The following KCNMA1 variants were observed in gnomAD, a reference collection of about 807,000 sequenced individuals.
KCNMA1 encodes the protein Calcium-activated potassium channel subunit alpha-1.
In KCNMA1, 29 loss-of-function variants were observed where a neutral mutation model predicts 140.0. The observed-to-expected ratio is 0.21, with a 90% CI of 0.15 to 0.28. KCNMA1 has a LOEUF of 0.28. Among genes scored for constraint, KCNMA1 ranks in the 10% least tolerant of loss-of-function variants. KCNMA1 has a pLI of 1.00. For synonymous variants in KCNMA1, 612 were observed against 611.9 expected, an observed-to-expected ratio of 1.00 and a Z score of 0.00; for missense variants, 880 against 1,602.2, an observed-to-expected ratio of 0.55 and a Z score of 7.70.
At chr10:77,126,717 AC>A (rs1249928637) in intron 5 of KCNMA1, among the ~76,000 whole-genome samples, 1,007 of 68,402 alleles carry the variant, frequency 0.015, 9 homozygotes, top group African/African-American at 0.051. Context: ...GGTGCCCCCC[AC>A]CCCCCCACCC....
At chr10:77,215,884 CTCTCTCT>C (rs1454398609) in intron 3 of KCNMA1, among the ~76,000 whole-genome samples, 2 of 148,792 alleles carry the variant, frequency 1.3e-5, no homozygotes, top group African/African-American at 5.0e-5. Flanking sequence ...ACCTGTCTCT[CTCTCTCT>C]CCTCTCTCCT....
intron 2 of KCNMA1, chr10:77,315,484 TGAA>T (rs2080600784): frequency 1.3e-5 from 2 of 152,232 alleles, no homozygotes; most frequent in Admixed American, 1.3e-4. Context: ...ATCTGAAGAT[TGAA>T]AGTCAGAAGC....
chr10:76,952,306 C>A, intron 21 of KCNMA1: 1 of 797,784 alleles, frequency 1.3e-6, no homozygotes, highest in Non-Finnish European at 1.9e-6. Context: ...GGATCATGAG[C>A]TCAAGAAATC....
chr10:77,320,547 C>A (rs551891588), intron 2 of KCNMA1, among the ~76,000 whole-genome samples: 19 of 152,048 alleles, frequency 1.2e-4, no homozygotes, highest in Non-Finnish European at 2.5e-4. Context: ...GGTGTGGGAG[C>A]CTGAGCAGGC....
At chr10:77,233,924 G>A (rs183255898) in intron 3 of KCNMA1, among the ~76,000 whole-genome samples, 1 of 152,190 alleles carries the variant, frequency 6.6e-6, no homozygotes, top group East Asian at 1.9e-4. Context: ...GTGGCACCCC[G>A]AACAGTGACA....
At chr10:77,121,305 G>A (rs1445804800) in intron 5 of KCNMA1, among the ~76,000 whole-genome samples, 1 of 152,156 alleles carries the variant, frequency 6.6e-6, no homozygotes, top group East Asian at 1.9e-4. Flanking sequence ...GGAGAAGCCA[G>A]GTTAATGAGA....
intron 5 of KCNMA1, among the ~76,000 whole-genome samples, chr10:77,155,639 GTCTT>G (rs2098474339): frequency 6.6e-6 from 1 of 152,018 alleles, no homozygotes; most frequent in African/African-American, 2.4e-5. Flanking sequence ...CAACACAAGT[GTCTT>G]TCTTCTCAGT....
At chr10:77,562,402 T>C (rs978739683) in intron 1 of KCNMA1, among the ~76,000 whole-genome samples, 2 of 152,252 alleles carry the variant, frequency 1.3e-5, no homozygotes, top group African/African-American at 4.8e-5. Context: ...GTATACTTCC[T>C]CGCAAGCTGT....
intron 3 of KCNMA1, among the ~76,000 whole-genome samples, chr10:77,202,774 C>A (rs1045486131): frequency 6.6e-6 from 1 of 152,180 alleles, no homozygotes; most frequent in Non-Finnish European, 1.5e-5. Flanking sequence ...ATCTACCACA[C>A]TCTCTACTAA....
At chr10:77,589,178 A>T (rs927808784) in intron 1 of KCNMA1, among the ~76,000 whole-genome samples, 6 of 152,232 alleles carry the variant, frequency 3.9e-5, no homozygotes, top group Admixed American at 3.9e-4. Flanking sequence ...ATGGCTACTT[A>T]TAAAACAAGA....
rs569610001 is a variant in KCNMA1 at position 76,922,702 on chromosome 10, A to G, written c.2903-7653T>C. Among the ~76,000 whole-genome samples the G allele has an allele frequency of 1.9e-4, 29 of 152,350 alleles. No homozygotes were observed. In the South Asian group the frequency reaches 6.0e-3, roughly 32 times the overall value. On this transcript the variant is annotated intron_variant, in intron 23 of 27. Transcript: ENST00000286628. Reference sequence around the variant, plus strand: ...AACCAAGAGGTGGAGAGAATGAGATAGAGCTCTGTCATTGTTCAAGTTCCT... The same window carrying G: ...AACCAAGAGGTGGAGAGAATGAGATGGAGCTCTGTCATTGTTCAAGTTCCT...
chr10:77,523,252 T>C (rs940094409), intron 1 of KCNMA1, among the ~76,000 whole-genome samples: 21 of 145,012 alleles, frequency 1.4e-4, no homozygotes, highest in African/African-American at 5.5e-4. Context: ...AGGTGCTTAA[T>C]AAATAGTTAT....
In KCNMA1 at chr10:76,947,999, C is replaced by CTTT. The variant is rs1565117707; in HGVS notation, c.2709+1142_2709+1143insAAA. 6.6e-4 allele frequency among the ~76,000 whole-genome samples: 94 copies of CTTT among 141,780 alleles called. 2 individuals are homozygous for CTTT. In the South Asian group the frequency reaches 8.0e-3, roughly 12 times the overall value. 93.0% of individuals were successfully genotyped at this position (141,780 alleles called of 152,430 possible). On this transcript the variant is annotated intron_variant, in intron 22 of 27. Coordinates refer to ENST00000286628, the MANE Select transcript of KCNMA1 (RefSeq NM_001161352.2). ...AGAAATCCATGTTCCTCAGTTGTTT[C>CTTT]TTGTTTTGTTTTTGTTTTTGTTTGA...
intron 9 of KCNMA1, among the ~76,000 whole-genome samples, chr10:77,102,964 C>T (rs1216434540): frequency 6.6e-6 from 1 of 152,162 alleles, no homozygotes; most frequent in Non-Finnish European, 1.5e-5. Context: ...CAAAACCCAG[C>T]ATCATGCCTG....
intron 23 of KCNMA1, among the ~76,000 whole-genome samples, chr10:76,925,915 T>C (rs1362574639): frequency 1.3e-5 from 2 of 152,216 alleles, no homozygotes; most frequent in Non-Finnish European, 2.9e-5. Context: ...CAGAATCGCA[T>C]CAACAACTTT....
intron 19 of KCNMA1, among the ~76,000 whole-genome samples, chr10:76,975,637 G>A (rs1239062795): frequency 5.3e-5 from 8 of 152,172 alleles, no homozygotes; most frequent in Non-Finnish European, 1.0e-4. Flanking sequence ...CAAGTTCTAC[G>A]CCCAGAGAGT....
At chr10:76,872,483 A>C (rs997211683), downstream of KCNMA1, 2 of 152,222 alleles carry the variant, frequency 1.3e-5, no homozygotes, top group Non-Finnish European at 2.9e-5. Context: ...GTGGCTTTTC[A>C]TGACTTTCTA....
chr10:77,086,373 T>A (rs1049818829), intron 11 of KCNMA1, 115 bp downstream of exon 11: 15 of 771,008 alleles, frequency 1.9e-5, no homozygotes, highest in Middle Eastern at 2.5e-4. Flanking sequence ...CATTAGGTGT[T>A]TAGGAGATGA....
chr10:77,148,130 G>A (rs1235081855), intron 5 of KCNMA1, among the ~76,000 whole-genome samples: 1 of 152,148 alleles, frequency 6.6e-6, no homozygotes, highest in African/African-American at 2.4e-5. Context: ...CCTGCCATGA[G>A]TTTACTACTG....
Sources: allele counts gnomAD v4.1 joint callset (sites outside exome capture counted in the v4.1 genomes callset), GRCh38; gene constraint gnomAD v4.1.1; transcripts MANE v1.5; gene names NCBI Gene and HGNC (gene_info 2026-07-23, HGNC 2026-07-21).